Variants in FAT2 observed in about 807,000 individuals in gnomAD.
FAT2 encodes FAT atypical cadherin 2.
Under a neutral mutation model 295.3 loss-of-function variants are expected in FAT2, and 150 were observed. The observed-to-expected ratio is 0.51, with a 90% confidence interval of 0.44 to 0.58. The LOEUF (loss-of-function observed/expected upper bound fraction) is 0.58, where lower values mean the gene tolerates loss of function less well. Ranked by LOEUF, FAT2 falls within the 20% of genes least tolerant of loss-of-function variation. FAT2 has a pLI of 0.00. For missense variants in FAT2, 4,868 were observed against 5,442.7 expected, an observed-to-expected ratio of 0.89 and a Z score of 3.32; for synonymous variants, 2,026 against 2,150.3, an observed-to-expected ratio of 0.94 and a Z score of 1.60.
Position 151,522,034 on chromosome 5 carries a change from T to C in FAT2, c.10559A>G (p.His3520Arg), listed in dbSNP as rs750382786. 1.2e-6 allele frequency: 2 copies of C among 1,611,778 alleles called. No individual in the cohort carries two copies. The highest frequency in any genetic ancestry group is 1.7e-6 in the Non-Finnish European group (2 of 1,178,124). The change falls in exon 19 of 24, where the codon CAT (histidine) becomes CGT (arginine). Residue 3520 changes from histidine (H) to arginine (R), a missense_variant. His to Arg is a conservative substitution (Grantham distance 29, BLOSUM62 0). Around this residue, in one of 5 missense-constraint regions of FAT2, gnomAD observed 1,046 missense variants for 1,210.1 expected, o/e 0.86. Coordinates refer to ENST00000261800, the MANE Select transcript of FAT2 (RefSeq NM_001447.3). ...TGCATAGTGGCTCTGCTCTGTGACA[T>C]GGACACGGACAGACGTCAAAGACGA... ...PLSSLTSVRV[H>R]VTEQSHYAPS...
intron 2 of FAT2, among the ~76,000 whole-genome samples, chr5:151,564,258 C>T (rs1182873637): frequency 2.0e-5 from 3 of 152,206 alleles, no homozygotes; most frequent in Non-Finnish European, 2.9e-5. Flanking sequence ...ACTGGCAGGG[C>T]CTGTGTGAGA....
intron 1 of FAT2, among the ~76,000 whole-genome samples, chr5:151,581,899 G>GTTTCA (rs746702144): frequency 4.9e-4 from 74 of 152,286 alleles, no homozygotes; most frequent in Admixed American, 7.2e-4. Context: ...CTCAGCATAG[G>GTTTCA]TTTCATTTCC....
In FAT2 at chr5:151,554,301, CAAAG is replaced by C. The variant is rs1243091142; in HGVS notation, c.3945+57_3945+60del. 6 of 1,498,124 alleles carry C rather than the reference CAAAG, an allele frequency of 4.0e-6. No individual in the cohort carries two copies. The Admixed American group carries it at 7.7e-5, about 19-fold the overall frequency. 92.8% of individuals were successfully genotyped at this position (1,498,124 alleles called of 1,614,324 possible). ...GGCTGTCTCCCTCCTCCTGAATTCT[CAAAG>C]AAGGCCACTAACCAGCATGCCACTC... On this transcript the variant is annotated intron_variant, in intron 5 of 23. Transcript: ENST00000261800.
Position 151,534,551 on chromosome 5 carries a change from G to T in FAT2, c.9285C>A (p.Cys3095Ter). The change falls in exon 13 of 24, where the codon TGC becomes TGA. Residue 3095 changes from cysteine to a stop codon, truncating the protein, a stop_gained. Coordinates refer to ENST00000261800, the MANE Select transcript of FAT2 (RefSeq NM_001447.3). LOFTEE classifies it high-confidence loss of function. The part of the protein sequence containing the change: ...AKATDGGGRS[C>*]QADITLHVED... ...CCACATGGAGGGTGATGTCTGCCTGGCACGATCGGCCACCTCCATCCGTCG... is the reference window on the plus strand; with the variant it reads ...CCACATGGAGGGTGATGTCTGCCTGTCACGATCGGCCACCTCCATCCGTCG... The T allele has an allele frequency of 6.2e-7, 1 of 1,614,104 alleles. No homozygotes were observed. The highest frequency in any genetic ancestry group is 8.5e-7 in the Non-Finnish European group (1 of 1,180,002).
rs766913068 is a variant in FAT2, at chr5:151,553,308, G to A, written c.4025C>T (p.Pro1342Leu). Reference sequence around the variant, plus strand: ...ATCAAAGGCCAGAGGGATGGAGGACGGCCGGGGCCAAGGGATCCACTCAAT... The same window carrying A: ...ATCAAAGGCCAGAGGGATGGAGGACAGCCGGGGCCAAGGGATCCACTCAAT... Reference protein sequence around the residue: ...LHIEWIPWPRPSSIPLAFDET... With the variant: ...LHIEWIPWPRLSSIPLAFDET... The change falls in exon 6 of 24, where the codon CCG (proline) becomes CTG (leucine). Residue 1342 changes from proline (P) to leucine (L), a missense_variant. Physicochemically the swap from Pro to Leu is moderately conservative, Grantham distance 98. This residue lies in a region of FAT2 where 3,297 missense variants were observed against 3,669.4 expected (regional missense o/e 0.90). Transcript: ENST00000261800. 26 of 1,614,156 alleles carry A rather than the reference G, an allele frequency of 1.6e-5. No homozygotes were observed. Among genetic ancestry groups the A allele is most frequent in the Middle Eastern group, 1.6e-4 (1 of 6,084 alleles).
Position 151,512,511 on chromosome 5 carries a change from G to A in FAT2, c.11559C>T (p.His3853=), listed in dbSNP as rs745581891. Reference sequence around the variant, plus strand: ...CGTCCATCTCCTCCACCAGGATGGAGTGCCACTCGTGGTCATTCACATGGC... The same window carrying A: ...CGTCCATCTCCTCCACCAGGATGGAATGCCACTCGTGGTCATTCACATGGC... The part of the protein sequence containing the change: ...SQRHVNDHEW[H]SILVEEMDAS... The change falls in exon 21 of 24, where the codon CAC becomes CAT. Residue 3853 remains histidine (H), a synonymous_variant. Transcript: ENST00000261800. The surrounding 1 kb of genome is among the most constrained non-coding windows in gnomAD (Gnocchi z 4.1). 1 of 1,614,152 alleles carries A rather than the reference G, an allele frequency of 6.2e-7. No individual in the cohort carries two copies.
chr5:151,585,216 G>A (rs7736409), intron 1 of FAT2, among the ~76,000 whole-genome samples: 57,179 of 152,070 alleles, frequency 0.38, 11,150 homozygotes, highest in South Asian at 0.51. Flanking sequence ...GAGTCACTCA[G>A]CAGGGGCCAG....
rs1754353570 is a variant in FAT2 at position 151,529,380 on chromosome 5, A to G, written c.9824T>C (p.Val3275Ala). Reference sequence around the variant, plus strand: ...TGTCTCAAAGTCCAGGCTTGCGTTGACATACAGGATCCCTGAAGAAGCAAG... The same window carrying G: ...TGTCTCAAAGTCCAGGCTTGCGTTGGCATACAGGATCCCTGAAGAAGCAAG... ...RLDARTGILY[V>A]NASLDFETSP... Residue 3275 changes from valine (V) to alanine (A), a missense_variant, in exon 15 of 24, where the codon GTC (valine) becomes GCC (alanine). Physicochemically the swap from Val to Ala is moderately conservative, Grantham distance 64. Coordinates refer to ENST00000261800, the MANE Select transcript of FAT2 (RefSeq NM_001447.3). 6.2e-7 allele frequency: 1 copy of G among 1,613,766 alleles called. No individual in the cohort carries two copies. Among genetic ancestry groups the G allele is most frequent in the East Asian group, 2.2e-5 (1 of 44,874 alleles).
At chr5:151,560,251 A>G (rs1757963243) in intron 3 of FAT2, among the ~76,000 whole-genome samples, 1 of 152,132 alleles carries the variant, frequency 6.6e-6, no homozygotes. Flanking sequence ...AGCTCTTTCT[A>G]TAGCTTTGTA....
At chr5:151,565,131 A>G (rs1479468637) in intron 2 of FAT2, among the ~76,000 whole-genome samples, 3 of 152,214 alleles carry the variant, frequency 2.0e-5, no homozygotes, top group Admixed American at 2.0e-4. Flanking sequence ...AAAAGTATAT[A>G]AATAAGAATA....
At chr5:151,561,475 C>T (rs1758013783) in intron 3 of FAT2, among the ~76,000 whole-genome samples, 1 of 152,182 alleles carries the variant, frequency 6.6e-6, no homozygotes, top group African/African-American at 2.4e-5. Context: ...ACTGTAGCCT[C>T]AACCTCCCAG....
rs1283135229 is a variant in FAT2, at chr5:151,507,593, C to G, written c.12078G>C (p.Arg4026Ser). The G allele has an allele frequency of 1.2e-6, 2 of 1,604,928 alleles. No individual in the cohort carries two copies. Among genetic ancestry groups the G allele is most frequent in the Admixed American group, 1.7e-5 (1 of 58,912 alleles). Residue 4026 changes from arginine to serine, a missense_variant, in exon 23 of 24, where the codon AGG becomes AGC. Physicochemically the swap from Arg to Ser is moderately radical, Grantham distance 110. Around this residue, in one of 5 missense-constraint regions of FAT2, gnomAD observed 492 missense variants for 482.6 expected, o/e 1.02. Coordinates refer to ENST00000261800, the MANE Select transcript of FAT2 (RefSeq NM_001447.3). ...YTGDRCEMEARGCSEGHCLVT... is the reference protein window; with the variant it reads ...YTGDRCEMEASGCSEGHCLVT... ...CTAGGCAGTGTCCTTCTGAACAACC[C>G]CTCGCCTCCATTTCACACCTGCGGA...
At chr5:151,528,208 T>G (rs748033199) in intron 15 of FAT2, 75 bp from the exon 16 acceptor site, 139 of 1,559,212 alleles carry the variant, frequency 8.9e-5, no homozygotes, top group Non-Finnish European at 1.1e-4. Context: ...GAAACAGATA[T>G]GTCCCTGCCC....
intron 20 of FAT2, among the ~76,000 whole-genome samples, chr5:151,515,233 G>A (rs1752733925): frequency 1.3e-5 from 2 of 151,964 alleles, no homozygotes; most frequent in Non-Finnish European, 2.9e-5. Context: ...ATACTCCCTG[G>A]GTTTTCCTCC....
At chr5:151,553,444 A>G in intron 5 of FAT2, 57 bp from the exon 6 acceptor site, 2 of 1,509,586 alleles carry the variant, frequency 1.3e-6, no homozygotes, top group Non-Finnish European at 1.8e-6. Context: ...GGAAGACCCA[A>G]GCAGCCAGGA....
In FAT2 at chr5:151,579,495, C is replaced by T. The variant is rs147793535; in HGVS notation, c.-20-10544G>A. ...GCTGAGGTGGGAGGATTGCTTGAGC[C>T]CAGGAGTTTGAGGCTGCAGTGAACA... On this transcript the variant is annotated intron_variant, in intron 1 of 23. Coordinates refer to ENST00000261800, the MANE Select transcript of FAT2 (RefSeq NM_001447.3). Among the ~76,000 whole-genome samples the T allele has an allele frequency of 4.3e-3, 653 of 152,050 alleles. 2 individuals are homozygous for T. Among genetic ancestry groups the T allele is most frequent in the Non-Finnish European group, 7.0e-3 (479 of 67,988 alleles).
chr5:151,574,028 G>C (rs1376531946), intron 1 of FAT2, among the ~76,000 whole-genome samples: 1 of 152,114 alleles, frequency 6.6e-6, no homozygotes, highest in Admixed American at 6.5e-5. Context: ...TACGGGCATG[G>C]TTCTTTGGCC....
rs1258050025 is a variant in FAT2 at position 151,543,240 on chromosome 5, TAGG to T, written c.7884_7886del (p.Asp2628_Leu2629delinsGlu). 1 of 1,614,200 alleles carries T rather than the reference TAGG, an allele frequency of 6.2e-7. No individual in the cohort carries two copies. The highest frequency in any genetic ancestry group is 8.5e-7 in the Non-Finnish European group (1 of 1,180,024). On this transcript the variant is annotated inframe_deletion, in exon 10 of 24. Coordinates refer to ENST00000261800, the MANE Select transcript of FAT2 (RefSeq NM_001447.3). ...GGTTAATTTCAATGACATCTTTAAC[TAGG>T]TCCTCTGGGTTCACTGAGTAGGTGA...
chr5:151,525,541 A>G (rs1464203752), intron 18 of FAT2, among the ~76,000 whole-genome samples: 2 of 151,482 alleles, frequency 1.3e-5, no homozygotes, highest in African/African-American at 4.9e-5. Flanking sequence ...TAAGCCAGTC[A>G]CTTAAATCCC....
Sources: allele counts gnomAD v4.1 joint callset (sites outside exome capture counted in the v4.1 genomes callset), GRCh38; gene constraint gnomAD v4.1.1; regional missense constraint gnomAD v4.1.1; non-coding constraint Gnocchi (gnomAD v3.1); transcripts MANE v1.5; gene names NCBI Gene and HGNC (gene_info 2026-07-23, HGNC 2026-07-21).